The following SEC24A variants were observed in gnomAD, a reference collection of about 807,000 sequenced individuals.
The protein encoded by SEC24A is protein transport protein Sec24A.
Under a neutral mutation model 129.4 loss-of-function variants are expected in SEC24A, and 93 were observed. The observed-to-expected ratio is 0.72, with a 90% CI of 0.61 to 0.85. The LOEUF is 0.85. Among genes scored for constraint, SEC24A ranks in the 40% least tolerant of loss-of-function variants. The probability of loss-of-function intolerance (pLI) is 0.00; values close to 1 mark genes in which losing one functional copy is unlikely to be tolerated. For synonymous variants in SEC24A, 460 were observed against 467.3 expected (o/e 0.98, Z 0.20); for missense variants, 1,264 against 1,307.4 (o/e 0.97, Z 0.51).
intron 15 of SEC24A, 81 bp from the exon 16 acceptor site, chr5:134,703,678 A>G (rs1752068951): frequency 5.3e-6 from 5 of 934,594 alleles, no homozygotes; most frequent in South Asian, 3.0e-5. Flanking sequence ...CTTTTTGCCA[A>G]TCTGATAAGT....
chr5:134,664,126 G>A (rs1750569122), intron 2 of SEC24A, among the ~76,000 whole-genome samples: 1 of 151,598 alleles, frequency 6.6e-6, no homozygotes, highest in African/African-American at 2.4e-5. Context: ...AAAAAGTGCT[G>A]AAACTTATGA....
chr5:134,706,218 G>A (rs909179532), intron 17 of SEC24A, among the ~76,000 whole-genome samples: 4 of 152,058 alleles, frequency 2.6e-5, no homozygotes, highest in African/African-American at 9.7e-5. Context: ...TAATATTAGT[G>A]CTGTTTAATA....
rs1208203003 is a variant in SEC24A at position 134,699,301 on chromosome 5, C to CTTTTTTTTTTTTTTTTTTTTTTTT, written c.2266+1257_2266+1258insTTTTTTTTTTTTTTTTTTTTTTTT. ...ATAACATAAGCTTTACCATTTTATC[C>CTTTTTTTTTTTTTTTTTTTTTTTT]TTTTTTTTTTTTTGAGACGGACTGT... On this transcript the variant is annotated intron_variant, in intron 15 of 22. Coordinates refer to ENST00000398844, the MANE Select transcript of SEC24A (RefSeq NM_021982.3). Among the ~76,000 whole-genome samples, 120 of 138,386 alleles carry CTTTTTTTTTTTTTTTTTTTTTTTT rather than the reference C, an allele frequency of 8.7e-4. 2 individuals are homozygous for CTTTTTTTTTTTTTTTTTTTTTTTT. Among genetic ancestry groups the CTTTTTTTTTTTTTTTTTTTTTTTT allele is most frequent in the African/African-American group, 3.2e-3 (116 of 36,226 alleles). 90.8% of individuals were successfully genotyped at this position (138,386 alleles called of 152,430 possible). A position where few individuals can be genotyped will look rare whatever the true frequency, so the allele number is the denominator to read the frequency against.
Position 134,721,025 on chromosome 5 carries a change from T to C in SEC24A, c.2998T>C (p.Cys1000Arg). 2.5e-6 allele frequency: 4 copies of C among 1,612,806 alleles called. No homozygotes were observed. Among genetic ancestry groups the C allele is most frequent in the Admixed American group, 1.7e-5 (1 of 59,996 alleles). ...ACTGATGCTTTGGGTTGGAAAAAAT[T>C]GTACACAGAATTTTCTCAGCCAAGT... ...SVLMLWVGKN[C>R]TQNFLSQVLG... The change falls in exon 21 of 23, where the codon TGT (cysteine) becomes CGT (arginine). Residue 1000 changes from cysteine (C) to arginine (R), a missense_variant. Physicochemically the swap from Cys to Arg is radical, Grantham distance 180. Coordinates refer to ENST00000398844, the MANE Select transcript of SEC24A (RefSeq NM_021982.3).
At position 134,703,859 on chromosome 5, in the gene SEC24A, G is replaced by A; in HGVS notation, c.2367G>A (p.Met789Ile). The change falls in exon 16 of 23, where the codon ATG becomes ATA. Residue 789 changes from methionine (M) to isoleucine (I), a missense_variant. By Grantham distance (10) the Met-to-Ile change is conservative (BLOSUM62 1). Coordinates refer to ENST00000398844, the MANE Select transcript of SEC24A (RefSeq NM_021982.3). ...VNPDAGYAVQ[M>I]SVEESLTDTQ... ...CAGACGCTGGGTATGCAGTACAGAT[G>A]TCAGTGGAAGAGAGTCTTACTGACA... 2 of 1,612,960 alleles carry A rather than the reference G, an allele frequency of 1.2e-6. No homozygotes were observed. The highest frequency in any genetic ancestry group is 1.7e-6 in the Non-Finnish European group (2 of 1,179,060).
At chr5:134,662,013 T>G (rs140523150) in intron 2 of SEC24A, among the ~76,000 whole-genome samples, 5,607 of 151,808 alleles carry the variant, frequency 0.037, 131 homozygotes, top group Non-Finnish European at 0.06. Context: ...GTATTTTTAG[T>G]AGAGATGGGG....
In SEC24A at chr5:134,671,946, T is replaced by C. The variant is rs1750880171; in HGVS notation, c.817+60T>C. Reference sequence around the variant, plus strand: ...TTTTTCTGATTATAGAAATAATATGTGGTAATTGTACAAATATATAGGAAA... The same window carrying C: ...TTTTTCTGATTATAGAAATAATATGCGGTAATTGTACAAATATATAGGAAA... On this transcript the variant is annotated intron_variant, in intron 4 of 22. Coordinates refer to ENST00000398844, the MANE Select transcript of SEC24A (RefSeq NM_021982.3). The C allele has an allele frequency of 6.8e-6, 7 of 1,022,888 alleles. No individual in the cohort carries two copies. The South Asian group carries it at 6.9e-5, about 10-fold the overall frequency. 63.4% of individuals were successfully genotyped at this position (1,022,888 alleles called of 1,614,324 possible).
At chr5:134,696,758 A>C (rs539436468) in intron 13 of SEC24A, among the ~76,000 whole-genome samples, 1 of 150,790 alleles carries the variant, frequency 6.6e-6, no homozygotes, top group South Asian at 2.1e-4. Context: ...TCGGCCTCCC[A>C]AAGTGCTGGG....
intron 13 of SEC24A, among the ~76,000 whole-genome samples, chr5:134,695,339 AAACAACAAC>A (rs552433417): frequency 2.0e-5 from 3 of 151,614 alleles, no homozygotes; most frequent in Admixed American, 1.3e-4. Context: ...CCAACTTGGG[AAACAACAAC>A]AACAACAACA....
Position 134,648,936 on chromosome 5 carries a change from G to A in SEC24A, c.-141G>A. 1.7e-6 allele frequency: 1 copy of A among 587,586 alleles called. No homozygotes were observed. Among genetic ancestry groups the A allele is most frequent in the Non-Finnish European group, 3.0e-6 (1 of 330,492 alleles). 36.4% of individuals were successfully genotyped at this position (587,586 alleles called of 1,614,324 possible). A position where few individuals can be genotyped will look rare whatever the true frequency, so the allele number is the denominator to read the frequency against. On this transcript the variant is annotated 5_prime_UTR_variant, in exon 1 of 23. Coordinates refer to ENST00000398844, the MANE Select transcript of SEC24A (RefSeq NM_021982.3). Reference sequence around the variant, plus strand: ...TGGGGAGAGTGCGGCGCCATGCCTCGGGCTTAATGCGCCCCCCCCTCTTCT... The same window carrying A: ...TGGGGAGAGTGCGGCGCCATGCCTCAGGCTTAATGCGCCCCCCCCTCTTCT...
intron 9 of SEC24A, among the ~76,000 whole-genome samples, chr5:134,684,319 A>T (rs1365073879): frequency 1.3e-5 from 2 of 151,132 alleles, no homozygotes; most frequent in South Asian, 2.1e-4. Flanking sequence ...AAAAAAAAAA[A>T]ATTAATATAT....
intron 17 of SEC24A, 42 bp downstream of exon 17, chr5:134,705,479 C>T: frequency 3.2e-6 from 4 of 1,247,878 alleles, no homozygotes; most frequent in South Asian, 1.3e-5. Context: ...CAAGTAATAA[C>T]ATTAGGCACA....
At chr5:134,690,810 C>T (rs1485454251) in intron 11 of SEC24A, among the ~76,000 whole-genome samples, 1 of 152,092 alleles carries the variant, frequency 6.6e-6, no homozygotes, top group Non-Finnish European at 1.5e-5. Context: ...CTTGATTTTG[C>T]AGTCCCATTA....
At chr5:134,707,597 G>A (rs1266795828) in intron 17 of SEC24A, among the ~76,000 whole-genome samples, 1 of 152,072 alleles carries the variant, frequency 6.6e-6, no homozygotes, top group Non-Finnish European at 1.5e-5. Context: ...CCAAAGTGCT[G>A]GGATTACAGG....
At chr5:134,675,710 C>A (rs1190362796) in intron 6 of SEC24A, among the ~76,000 whole-genome samples, 2 of 152,044 alleles carry the variant, frequency 1.3e-5, no homozygotes, top group Non-Finnish European at 1.5e-5. Flanking sequence ...CAATTTGGGC[C>A]ATCACCTAAG....
At chr5:134,701,675 T>A (rs1752012876) in intron 15 of SEC24A, among the ~76,000 whole-genome samples, 1 of 151,736 alleles carries the variant, frequency 6.6e-6, no homozygotes, top group Non-Finnish European at 1.5e-5. Context: ...CATGCCCAGC[T>A]AATTTTTGTA....
At chr5:134,686,005 T>A (rs1751438603) in intron 9 of SEC24A, among the ~76,000 whole-genome samples, 1 of 150,946 alleles carries the variant, frequency 6.6e-6, no homozygotes, top group African/African-American at 2.4e-5. Flanking sequence ...AAAAAAAAAA[T>A]ACAGTCTTAT....
rs1448802405 is a variant in SEC24A, at chr5:134,727,704, G to A, written c.*2610G>A. 1 of 152,120 alleles carries A rather than the reference G, an allele frequency of 6.6e-6. No homozygotes were observed. 9.4% of individuals were successfully genotyped at this position (152,120 alleles called of 1,614,324 possible). On this transcript the variant is annotated 3_prime_UTR_variant, in exon 23 of 23. Transcript: ENST00000398844. ...AATTCTTGTTCTTAAATTCAAATAT[G>A]TATTGATCTTCAATGTGCTGTGTTA...
chr5:134,705,090 A>G (rs246343), intron 16 of SEC24A, among the ~76,000 whole-genome samples: 2 of 123,308 alleles, frequency 1.6e-5, no homozygotes, highest in African/African-American at 3.0e-5. Flanking sequence ...ATATATATAT[A>G]TTTTTTTTTT....
Sources: allele counts gnomAD v4.1 joint callset (sites outside exome capture counted in the v4.1 genomes callset), GRCh38; gene constraint gnomAD v4.1.1; transcripts MANE v1.5; gene names NCBI Gene and HGNC (gene_info 2026-07-23, HGNC 2026-07-21).